The following SGPP2 variants were observed in gnomAD, a reference collection of about 807,000 sequenced individuals.
SGPP2 encodes the protein sphingosine 1-phosphate phosphohydrolase 2.
SGPP2 carries 30 observed loss-of-function variants against 33.9 expected under a neutral mutation model. That is an observed-to-expected ratio of 0.89 (90% CI 0.66 to 1.20). The LOEUF (loss-of-function observed/expected upper bound fraction) is 1.20. Among genes scored for constraint, SGPP2 ranks in the 50% most tolerant of loss-of-function variants. The pLI is 0.00. For missense variants in SGPP2, 458 were observed against 532.1 expected (o/e 0.86, Z 1.37); for synonymous variants, 233 against 225.0 (o/e 1.04, Z -0.32).
chr2:222,521,985 G>A, intron 3 of SGPP2, 39 bp downstream of exon 3: 2 of 1,462,962 alleles, frequency 1.4e-6, no homozygotes, highest in Non-Finnish European at 1.8e-6. Context: ...CACCTACTGA[G>A]GCAGCAAATA....
At position 222,443,586 on chromosome 2, in the gene SGPP2, A is replaced by G. The variant is rs995879961; in HGVS notation, c.219+18765A>G. Among the ~76,000 whole-genome samples, 4 of 152,148 alleles carry G rather than the reference A, an allele frequency of 2.6e-5. No individual in the cohort carries two copies. The Middle Eastern group carries it at 0.01, about 388-fold the overall frequency. ...CTTTCCTGTTGCTCTTCCCTCTGCC[A>G]TTTCTTCTCGCTGGTATTTTCTTTG... On this transcript the variant is annotated intron_variant, in intron 1 of 4. Coordinates refer to ENST00000321276, the MANE Select transcript of SGPP2 (RefSeq NM_152386.4).
At position 222,526,102 on chromosome 2, in the gene SGPP2, G is replaced by T. The variant is rs191636081; in HGVS notation, c.648+1069G>T. On this transcript the variant is annotated intron_variant, in intron 4 of 4. Transcript: ENST00000321276. ...GACTCGAGGCCAGGCCTCAGAAGAGGCAGGCAAGTCTCCAAGTTAAAGAGT... is the reference window on the plus strand; with the variant it reads ...GACTCGAGGCCAGGCCTCAGAAGAGTCAGGCAAGTCTCCAAGTTAAAGAGT... Among the ~76,000 whole-genome samples, 178 of 152,320 alleles carry T rather than the reference G, an allele frequency of 1.2e-3. 1 individual carries two copies. The Middle Eastern group carries it at 0.014, about 12-fold the overall frequency.
At position 222,561,343 on chromosome 2, in the gene SGPP2, T is replaced by C. The variant is rs1444740087; in HGVS notation, c.*2445T>C. Among the ~76,000 whole-genome samples the C allele has an allele frequency of 6.6e-6, 1 of 151,970 alleles. No homozygotes were observed. The highest frequency in any genetic ancestry group is 1.5e-5 in the Non-Finnish European group (1 of 67,988). Reference sequence around the variant, plus strand: ...GCCGGATGCGGCACTTTTCTGTATTTTCATCCACACAGCTGCCCAGCCAGA... The same window carrying C: ...GCCGGATGCGGCACTTTTCTGTATTCTCATCCACACAGCTGCCCAGCCAGA... On this transcript the variant is annotated 3_prime_UTR_variant, in exon 5 of 5. Coordinates refer to ENST00000321276, the MANE Select transcript of SGPP2 (RefSeq NM_152386.4).
At chr2:222,485,547 C>T (rs1055866535) in intron 2 of SGPP2, among the ~76,000 whole-genome samples, 1 of 152,214 alleles carries the variant, frequency 6.6e-6, no homozygotes, top group Non-Finnish European at 1.5e-5. Flanking sequence ...TGTTCTACTT[C>T]CTTATCCTAT....
intron 4 of SGPP2, among the ~76,000 whole-genome samples, chr2:222,539,680 A>ATTGCC (rs2106147526): frequency 6.6e-6 from 1 of 152,352 alleles, no homozygotes; most frequent in East Asian, 1.9e-4. Flanking sequence ...CAGATCACAG[A>ATTGCC]AACAGCAGGA....
intron 1 of SGPP2, among the ~76,000 whole-genome samples, chr2:222,432,792 C>T (rs560713223): frequency 5.3e-5 from 8 of 152,148 alleles, no homozygotes; most frequent in Non-Finnish European, 1.2e-4. Flanking sequence ...GAGGCAAAGG[C>T]GGGTGGATCA....
chr2:222,521,743 T>C (rs375869681), intron 2 of SGPP2, 24 bp from the exon 3 acceptor site: 3 of 1,588,308 alleles, frequency 1.9e-6, no homozygotes, highest in Non-Finnish European at 2.6e-6. Flanking sequence ...TGATTAGACT[T>C]ACCTCAGTCC....
chr2:222,438,649 C>G (rs528898229), intron 1 of SGPP2, among the ~76,000 whole-genome samples: 1 of 152,332 alleles, frequency 6.6e-6, no homozygotes, highest in South Asian at 2.1e-4. Flanking sequence ...ACAGCAACTG[C>G]AATTGCAGTC....
chr2:222,534,723 A>G (rs1035947236), intron 4 of SGPP2, among the ~76,000 whole-genome samples: 1 of 152,198 alleles, frequency 6.6e-6, no homozygotes, highest in African/African-American at 2.4e-5. Context: ...CTGAGATAAA[A>G]TGGGAATTTA....
intron 1 of SGPP2, among the ~76,000 whole-genome samples, chr2:222,434,972 A>ATG (rs1459090099): frequency 7.5e-5 from 2 of 26,716 alleles, no homozygotes; most frequent in African/African-American, 2.7e-4. Context: ...GAATGGAGAT[A>ATG]TATACACACA....
chr2:222,440,459 T>C (rs767036478), intron 1 of SGPP2, among the ~76,000 whole-genome samples: 8 of 151,768 alleles, frequency 5.3e-5, no homozygotes, highest in Non-Finnish European at 1.2e-4. Flanking sequence ...TCTCCTGCCT[T>C]AGCCTCCCGA....
intron 4 of SGPP2, among the ~76,000 whole-genome samples, chr2:222,526,009 C>T (rs1180438357): frequency 6.6e-6 from 1 of 152,096 alleles, no homozygotes; most frequent in African/African-American, 2.4e-5. Flanking sequence ...TATGGCTTCC[C>T]AAGGGTCTAT....
intron 4 of SGPP2, among the ~76,000 whole-genome samples, chr2:222,540,817 G>GTT (rs750932260): frequency 0.3 from 32,479 of 108,354 alleles, 6,261 homozygotes; most frequent in South Asian, 0.42. Context: ...CTTATAAACT[G>GTT]TTTTTTTTTT....
intron 4 of SGPP2, among the ~76,000 whole-genome samples, chr2:222,531,778 C>G (rs752238010): frequency 6.6e-6 from 1 of 151,904 alleles, no homozygotes; most frequent in Non-Finnish European, 1.5e-5. Context: ...AATGTGCAAC[C>G]GGGGTTGAGA....
At chr2:222,558,250 GT>G in intron 4 of SGPP2, 96 bp from the exon 5 acceptor site, 1 of 1,299,954 alleles carries the variant, frequency 7.7e-7, no homozygotes, top group Non-Finnish European at 1.1e-6. Context: ...CAAAAATTGT[GT>G]TTTAAATATC....
At chr2:222,466,472 A>G (rs1458299045) in intron 1 of SGPP2, among the ~76,000 whole-genome samples, 1 of 151,798 alleles carries the variant, frequency 6.6e-6, no homozygotes, top group Non-Finnish European at 1.5e-5. Context: ...GTTAGCCAGG[A>G]TGGTCTCGAT....
intron 1 of SGPP2, among the ~76,000 whole-genome samples, chr2:222,442,912 G>A (rs886454822): frequency 6.6e-6 from 1 of 152,196 alleles, no homozygotes. Context: ...CAATAGATCA[G>A]TCAGAGTGGA....
intron 4 of SGPP2, among the ~76,000 whole-genome samples, chr2:222,540,484 A>C (rs1427375983): frequency 6.6e-6 from 1 of 152,160 alleles, no homozygotes; most frequent in Non-Finnish European, 1.5e-5. Flanking sequence ...ATGGTTGGTT[A>C]TATTCATGTC....
chr2:222,530,002 G>A (rs948167817), intron 4 of SGPP2, among the ~76,000 whole-genome samples: 19 of 152,178 alleles, frequency 1.2e-4, no homozygotes, highest in African/African-American at 4.1e-4. Flanking sequence ...TGTACATCTT[G>A]TACATCTCCA....
Sources: allele counts gnomAD v4.1 joint callset (sites outside exome capture counted in the v4.1 genomes callset), GRCh38; gene constraint gnomAD v4.1.1; transcripts MANE v1.5; gene names NCBI Gene and HGNC (gene_info 2026-07-23, HGNC 2026-07-21).